ASB5: variants seen among roughly 807,000 people sequenced by gnomAD.
ASB5 encodes the protein ankyrin repeat and SOCS box containing 5.
A neutral mutation model predicts 42.1 loss-of-function variants in ASB5; 45 were observed. The observed-to-expected ratio is 1.07, with a 90% CI of 0.84 to 1.37. ASB5 has a LOEUF of 1.37. Among genes scored for constraint, ASB5 ranks in the 40% most tolerant of loss-of-function variants. The probability of loss-of-function intolerance (pLI) is 0.00; values close to 1 mark genes in which losing one functional copy is unlikely to be tolerated. For synonymous variants in ASB5, 147 were observed against 150.6 expected, an observed-to-expected ratio of 0.98 and a Z score of 0.18; for missense variants, 402 against 399.8, an observed-to-expected ratio of 1.01 and a Z score of -0.05.
At position 176,216,823 on chromosome 4, in the gene ASB5, T is replaced by A. The variant is rs763473040; in HGVS notation, c.857A>T (p.His286Leu). ...SSMVERILLQ[H>L]EATPSSLYQL... is the part of the protein sequence containing the mutation. ...TCCACATGTATTTTTCTTACCTTCA[T>A]GTTGAAGCAATATCCTTTCCACCAT... The change falls in exon 6 of 7, where the codon CAT becomes CTT. Residue 286 changes from histidine to leucine, a missense_variant. Transcript: ENST00000296525. 1 of 1,572,650 alleles carries A rather than the reference T, an allele frequency of 6.4e-7. No homozygotes were observed. Among genetic ancestry groups the A allele is most frequent in the Non-Finnish European group, 8.6e-7 (1 of 1,162,514 alleles).
intron 1 of ASB5, among the ~76,000 whole-genome samples, chr4:176,247,800 C>T (rs1456206925): frequency 6.6e-6 from 1 of 152,150 alleles, no homozygotes; most frequent in Non-Finnish European, 1.5e-5. Flanking sequence ...GTAAATTTGA[C>T]TATTTTTAAA....
rs139414167 is a variant in ASB5 at position 176,236,797 on chromosome 4, A to T, written c.197-11456T>A. 4.8e-4 allele frequency among the ~76,000 whole-genome samples: 73 copies of T among 152,272 alleles called. No individual in the cohort carries two copies. In the East Asian group the frequency reaches 0.011, roughly 23 times the overall value. ...GTATGGATATTCCTTTTTAAAAATA[A>T]TTCCTCCTCTTTGGTACTGTGCTCA... is the stretch of plus-strand genomic sequence containing the variant. On this transcript the variant is annotated intron_variant, in intron 1 of 6. Coordinates refer to ENST00000296525, the MANE Select transcript of ASB5 (RefSeq NM_080874.4).
intron 1 of ASB5, among the ~76,000 whole-genome samples, chr4:176,240,923 A>G (rs1267592238): frequency 6.6e-6 from 1 of 152,184 alleles, no homozygotes; most frequent in Non-Finnish European, 1.5e-5. Context: ...CTGGGTTGGC[A>G]GTTTTCCCCA....
intron 1 of ASB5, among the ~76,000 whole-genome samples, chr4:176,262,906 A>G (rs1432291845): frequency 6.6e-6 from 1 of 152,194 alleles, no homozygotes; most frequent in Admixed American, 6.5e-5. Context: ...TTAACTTAAA[A>G]TATTTATGCA....
At chr4:176,232,111 A>T (rs955534422) in intron 1 of ASB5, among the ~76,000 whole-genome samples, 7 of 137,218 alleles carry the variant, frequency 5.1e-5, no homozygotes, top group South Asian at 4.5e-4. Flanking sequence ...TACCTATTTT[A>T]TATATATATA....
rs1752925934 is a variant in ASB5 at position 176,214,957 on chromosome 4, T to G, written c.*643A>C. 6.6e-6 allele frequency: 1 copy of G among 151,758 alleles called. No homozygotes were observed. Among genetic ancestry groups the G allele is most frequent in the African/African-American group, 2.4e-5 (1 of 41,292 alleles). The allele number at this position is 151,758 out of a possible 1,614,324, so 9.4% of individuals were successfully genotyped here. A position where few individuals can be genotyped will look rare whatever the true frequency, so the allele number is the denominator to read the frequency against. On this transcript the variant is annotated 3_prime_UTR_variant, in exon 7 of 7. Coordinates refer to ENST00000296525, the MANE Select transcript of ASB5 (RefSeq NM_080874.4). ...CAGGGTGAGAGGGCAGTATTGACCT[T>G]TCATCCTATCACTTTTCTGTAACAA...
intron 1 of ASB5, among the ~76,000 whole-genome samples, chr4:176,230,845 T>C (rs1420970539): frequency 6.6e-6 from 1 of 152,222 alleles, no homozygotes; most frequent in African/African-American, 2.4e-5. Context: ...TAGACTTTCA[T>C]TGAGTGTCTA....
chr4:176,243,923 T>C (rs1381907728), intron 1 of ASB5, among the ~76,000 whole-genome samples: 1 of 152,210 alleles, frequency 6.6e-6, no homozygotes, highest in Non-Finnish European at 1.5e-5. Flanking sequence ...AATCCTTATG[T>C]TTTAGACAGG....
chr4:176,220,066 G>T (rs1189612680), intron 5 of ASB5, among the ~76,000 whole-genome samples: 1 of 152,182 alleles, frequency 6.6e-6, no homozygotes, highest in South Asian at 2.1e-4. Context: ...AATGTTTTAA[G>T]AAAGTTTATG....
At chr4:176,222,969 G>A (rs1043560032) in intron 2 of ASB5, among the ~76,000 whole-genome samples, 2 of 151,940 alleles carry the variant, frequency 1.3e-5, no homozygotes, top group African/African-American at 4.8e-5. Flanking sequence ...TAGTAGACAC[G>A]GGGTTGCACT....
intron 1 of ASB5, among the ~76,000 whole-genome samples, chr4:176,254,168 C>T (rs1389046051): frequency 6.6e-6 from 1 of 152,156 alleles, no homozygotes; most frequent in Non-Finnish European, 1.5e-5. Flanking sequence ...CCAAACTATA[C>T]TCTAAGGCTA....
At chr4:176,266,299 C>T (rs1330317353) in intron 1 of ASB5, among the ~76,000 whole-genome samples, 1 of 152,078 alleles carries the variant, frequency 6.6e-6, no homozygotes, top group Non-Finnish European at 1.5e-5. Flanking sequence ...AATTTGGCAA[C>T]TCCACATCAG....
At position 176,215,438 on chromosome 4, in the gene ASB5, T is replaced by C. The variant is rs975840710; in HGVS notation, c.*162A>G. 8.7e-6 allele frequency: 5 copies of C among 573,734 alleles called. No homozygotes were observed. The African/African-American group carries it at 9.6e-5, about 11-fold the overall frequency. The allele number at this position is 573,734 out of a possible 1,614,324, so 35.5% of individuals were successfully genotyped here. A position where few individuals can be genotyped will look rare whatever the true frequency, so the allele number is the denominator to read the frequency against. On this transcript the variant is annotated 3_prime_UTR_variant, in exon 7 of 7. Transcript: ENST00000296525. ...AAAGACAGCATAAATGATAAAACAA[T>C]AGTACTAATACACTTAAAATGAAAA...
intron 1 of ASB5, among the ~76,000 whole-genome samples, chr4:176,227,676 C>T (rs1009466133): frequency 3.9e-5 from 6 of 152,128 alleles, no homozygotes; most frequent in African/African-American, 7.2e-5. Flanking sequence ...AGTTAAATAA[C>T]TTGCCTAAGG....
chr4:176,235,132 A>G (rs1299598608), intron 1 of ASB5, among the ~76,000 whole-genome samples: 1 of 152,214 alleles, frequency 6.6e-6, no homozygotes, highest in Non-Finnish European at 1.5e-5. Context: ...AATGTAACTA[A>G]CAGACTAGAC....
At chr4:176,269,999 T>C (rs966243685), upstream of ASB5, among the ~76,000 whole-genome samples, 2 of 152,190 alleles carry the variant, frequency 1.3e-5, no homozygotes, top group Non-Finnish European at 2.9e-5. Flanking sequence ...GAAAACAATA[T>C]ACATTTTAGG....
chr4:176,215,765 G>T (rs2126935585), intron 6 of ASB5, 38 bp from the exon 7 acceptor site: 1 of 1,572,724 alleles, frequency 6.4e-7, no homozygotes, highest in Non-Finnish European at 8.6e-7. Context: ...AATTAAAATA[G>T]AAATGAATTT....
chr4:176,237,210 C>A lies in ASB5; in HGVS notation c.197-11869G>T, dbSNP rs569195754. 4.0e-5 allele frequency: 36 copies of A among 891,142 alleles called. No homozygotes were observed. In the South Asian group the frequency reaches 1.8e-3, roughly 43 times the overall value. The allele number at this position is 891,142 out of a possible 1,614,324, so 55.2% of individuals were successfully genotyped here. On this transcript the variant is annotated intron_variant, in intron 1 of 6. Coordinates refer to ENST00000296525, the MANE Select transcript of ASB5 (RefSeq NM_080874.4). Reference sequence around the variant, plus strand: ...CAATCCGCATTCTGGAAAGCACCCGCAGTTTAAAGTTAGTATTTGCAAAAA... The same window carrying A: ...CAATCCGCATTCTGGAAAGCACCCGAAGTTTAAAGTTAGTATTTGCAAAAA...
chr4:176,253,919 C>T (rs13109284), intron 1 of ASB5, among the ~76,000 whole-genome samples: 27,667 of 151,984 alleles, frequency 0.18, 2,596 homozygotes, highest in East Asian at 0.26. Flanking sequence ...ATAGATGATC[C>T]AAACAAAAAA....
Sources: gnomAD v4.1 joint callset for allele counts (sites outside exome capture counted in the v4.1 genomes callset) on GRCh38, gnomAD v4.1.1 for gene constraint, MANE v1.5 for transcripts, NCBI Gene and HGNC (gene_info 2026-07-23, HGNC 2026-07-21) for gene names.